The following EVC2 variants were observed in gnomAD, a reference collection of about 807,000 sequenced individuals.
The protein encoded by EVC2 is limbin.
In EVC2, 148 loss-of-function variants were observed where a neutral mutation model predicts 149.3. The observed-to-expected ratio is 0.99, with a 90% CI of 0.87 to 1.14. The LOEUF (loss-of-function observed/expected upper bound fraction) is 1.14. EVC2 is among the 50% of genes most tolerant of loss of function. EVC2 has a pLI of 0.00. For missense variants in EVC2, 1,854 were observed against 1,627.3 expected, an observed-to-expected ratio of 1.14 and a Z score of -2.40; for synonymous variants, 776 against 649.9, an observed-to-expected ratio of 1.19 and a Z score of -2.95.
At chr4:5,588,123 A>T (rs915393000) in intron 16 of EVC2, among the ~76,000 whole-genome samples, 3 of 152,158 alleles carry the variant, frequency 2.0e-5, no homozygotes, top group Non-Finnish European at 2.9e-5. Context: ...AGTCTAAAAA[A>T]ATTTATTTCA....
At chr4:5,584,893 G>C (rs566764373) in intron 16 of EVC2, 43 bp from the exon 17 acceptor site, 7 of 1,600,290 alleles carry the variant, frequency 4.4e-6, no homozygotes, top group Non-Finnish European at 6.0e-6. Flanking sequence ...AGAGCAGTGA[G>C]TAGAGGAGGG....
intron 13 of EVC2, among the ~76,000 whole-genome samples, chr4:5,624,950 T>C (rs1201856844): frequency 1.3e-5 from 2 of 152,128 alleles, no homozygotes; most frequent in Non-Finnish European, 2.9e-5. Context: ...TTATCCCCTG[T>C]ACTCAGGGCT....
intron 21 of EVC2, among the ~76,000 whole-genome samples, chr4:5,544,394 T>G (rs929206571): frequency 6.6e-6 from 1 of 152,190 alleles, no homozygotes; most frequent in Non-Finnish European, 1.5e-5. Flanking sequence ...GGAAATAATT[T>G]GATTATCCGT....
Position 5,615,524 on chromosome 4 carries a change from C to A in EVC2, c.2727G>T (p.Lys909Asn), listed in dbSNP as rs750222689. ...PELQQQSKVR[K>N]SRSKSKSKGE... is the part of the protein sequence containing the mutation. Reference sequence around the variant, plus strand: ...CCTTGCTTTTACTCTTGGACCGTGACTTTCTCACCTTGGACTGTTGCTGGA... The same window carrying A: ...CCTTGCTTTTACTCTTGGACCGTGAATTTCTCACCTTGGACTGTTGCTGGA... The change falls in exon 16 of 22, where the codon AAG (lysine) becomes AAT (asparagine). Residue 909 changes from lysine to asparagine, a missense_variant. Physicochemically the swap from Lys to Asn is moderately conservative, Grantham distance 94. Transcript: ENST00000344408. 3 of 1,614,198 alleles carry A rather than the reference C, an allele frequency of 1.9e-6. No individual in the cohort carries two copies. The South Asian group carries it at 3.3e-5, about 18-fold the overall frequency.
At chr4:5,673,391 G>A (rs1488184749) in intron 7 of EVC2, among the ~76,000 whole-genome samples, 2 of 152,232 alleles carry the variant, frequency 1.3e-5, no homozygotes, top group African/African-American at 4.8e-5. Context: ...TTCAGAACCA[G>A]AAGTGGCTGA....
intron 13 of EVC2, among the ~76,000 whole-genome samples, chr4:5,623,898 C>T (rs868650938): frequency 1.3e-5 from 2 of 152,184 alleles, no homozygotes; most frequent in African/African-American, 4.8e-5. Flanking sequence ...ACTTAATACA[C>T]ATACATCTCT....
chr4:5,683,427 C>A (rs928795012), intron 6 of EVC2, among the ~76,000 whole-genome samples: 5 of 152,302 alleles, frequency 3.3e-5, no homozygotes, highest in Admixed American at 3.3e-4. Flanking sequence ...CATGCAGTTA[C>A]GTTTTTTAGT....
At chr4:5,639,573 C>T (rs550092685) in intron 10 of EVC2, among the ~76,000 whole-genome samples, 2 of 152,328 alleles carry the variant, frequency 1.3e-5, no homozygotes, top group East Asian at 3.9e-4. Flanking sequence ...TGAGAGGTGG[C>T]TTGCCATTAG....
At chr4:5,650,509 G>C (rs1718025762) in intron 9 of EVC2, among the ~76,000 whole-genome samples, 1 of 150,880 alleles carries the variant, frequency 6.6e-6, no homozygotes, top group African/African-American at 2.4e-5. Flanking sequence ...TAGTTTCCCT[G>C]TTGGCTATGT....
chr4:5,651,566 C>T (rs953680564), intron 9 of EVC2, among the ~76,000 whole-genome samples: 1 of 152,098 alleles, frequency 6.6e-6, no homozygotes, highest in Admixed American at 6.5e-5. Flanking sequence ...ATTTGAAACT[C>T]TTATTTGGAA....
intron 11 of EVC2, among the ~76,000 whole-genome samples, chr4:5,629,494 G>C (rs1370502698): frequency 6.6e-6 from 1 of 152,198 alleles, no homozygotes; most frequent in African/African-American, 2.4e-5. Flanking sequence ...ATTAGACCAG[G>C]AACATCAGTA....
At chr4:5,579,268 T>C (rs1168521435) in intron 17 of EVC2, among the ~76,000 whole-genome samples, 1 of 152,174 alleles carries the variant, frequency 6.6e-6, no homozygotes, top group African/African-American at 2.4e-5. Context: ...CTGTGGGACC[T>C]TGGTGAAATG....
intron 19 of EVC2, 57 bp from the exon 20 acceptor site, chr4:5,568,697 A>T: frequency 6.5e-7 from 1 of 1,527,928 alleles, no homozygotes. Flanking sequence ...TTGAACCATC[A>T]TTTTTAATTT....
chr4:5,564,776 G>A (rs1043764968), intron 21 of EVC2, among the ~76,000 whole-genome samples: 2 of 152,204 alleles, frequency 1.3e-5, no homozygotes, highest in Non-Finnish European at 1.5e-5. Flanking sequence ...AGGCATTGGG[G>A]TGAAGGTAAA....
Position 5,576,569 on chromosome 4 carries a change from G to C in EVC2, c.3058-115C>G, listed in dbSNP as rs1206188983. The C allele has an allele frequency of 5.9e-6, 9 of 1,523,422 alleles. No homozygotes were observed. The highest frequency in any genetic ancestry group is 7.9e-6 in the Non-Finnish European group (9 of 1,138,056). 94.4% of individuals were successfully genotyped at this position (1,523,422 alleles called of 1,614,324 possible). Reference sequence around the variant, plus strand: ...AGTCTGGCATGACTCTGTCTTGCCTGGTTCCCCATCCAGCTGTGCCACATG... The same window carrying C: ...AGTCTGGCATGACTCTGTCTTGCCTCGTTCCCCATCCAGCTGTGCCACATG... On this transcript the variant is annotated intron_variant, in intron 17 of 21. Coordinates refer to ENST00000344408, the MANE Select transcript of EVC2 (RefSeq NM_147127.5). This position sits in a 1 kb window ranked among gnomAD's most constrained non-coding sequence, Gnocchi z 4.5.
At position 5,584,795 on chromosome 4, in the gene EVC2, C is replaced by A; in HGVS notation, c.2885G>T (p.Gly962Val). ...RVQRMEAQEG[G>V]FAQSLVALQF... The stretch of plus-strand genomic sequence containing the variant: ...CAGAGCAACAAGCGACTGTGCAAAG[C>A]CTCCCTCCTGTGCCTCCATCCGCTG... The change falls in exon 17 of 22, where the codon GGC (glycine) becomes GTC (valine). Residue 962 changes from glycine (G) to valine (V), a missense_variant. Transcript: ENST00000344408. 1 of 1,614,162 alleles carries A rather than the reference C, an allele frequency of 6.2e-7. No individual in the cohort carries two copies. Among genetic ancestry groups the A allele is most frequent in the Non-Finnish European group, 8.5e-7 (1 of 1,180,032 alleles).
At chr4:5,661,472 A>T (rs1341930756) in intron 9 of EVC2, among the ~76,000 whole-genome samples, 6 of 152,362 alleles carry the variant, frequency 3.9e-5, no homozygotes, top group Admixed American at 1.3e-4. Flanking sequence ...ACAAGAAAAT[A>T]TGATCAAAAA....
intron 17 of EVC2, among the ~76,000 whole-genome samples, chr4:5,581,940 T>G (rs570118655): frequency 6.3e-4 from 96 of 152,320 alleles, no homozygotes; most frequent in Middle Eastern, 3.4e-3. Context: ...GCAGCTTCCA[T>G]GTGGTGTTAA....
chr4:5,652,062 G>C (rs1013864282), intron 9 of EVC2, among the ~76,000 whole-genome samples: 1 of 152,238 alleles, frequency 6.6e-6, no homozygotes, highest in Non-Finnish European at 1.5e-5. Context: ...GCTGGCGAAG[G>C]CTTTTCAGCA....
Sources: gnomAD v4.1 joint callset for allele counts (sites outside exome capture counted in the v4.1 genomes callset) on GRCh38, gnomAD v4.1.1 for gene constraint, Gnocchi (gnomAD v3.1) non-coding constraint, MANE v1.5 for transcripts, NCBI Gene and HGNC (gene_info 2026-07-23, HGNC 2026-07-21) for gene names.